Variants in THTPA observed in about 807,000 individuals in gnomAD.
The protein encoded by THTPA is thiamine triphosphatase.
THTPA carries 16 observed loss-of-function variants against 16.5 expected under a neutral mutation model. That is an observed-to-expected ratio of 0.97 (90% confidence interval 0.66 to 1.47). THTPA has a LOEUF of 1.47. Ranked by LOEUF, THTPA falls within the 40% of genes most tolerant of loss-of-function variation. The pLI, the probability that THTPA is intolerant of heterozygous loss-of-function variation, is 0.00. For synonymous variants in THTPA, 110 were observed against 115.5 expected (o/e 0.95, Z 0.30); for missense variants, 281 against 280.9 (o/e 1.00, Z 0.00).
At chr14:23,514,876 A>G in the THTPA span, among the ~76,000 whole-genome samples, 1 of 152,096 alleles carries the variant, frequency 6.6e-6, no homozygotes, top group Admixed American at 6.5e-5. Flanking sequence ...CTCCCTGGTC[A>G]ATCTCAGCTC....
the THTPA span, chr14:23,521,911 TAAA>T: frequency 4.2e-5 from 64 of 1,531,324 alleles, no homozygotes; most frequent in Non-Finnish European, 5.2e-5. Flanking sequence ...CCCCTTGGGG[TAAA>T]AGAGGGAGCC....
the THTPA span, among the ~76,000 whole-genome samples, chr14:23,518,964 C>T: frequency 1.3e-5 from 2 of 152,188 alleles, no homozygotes; most frequent in East Asian, 1.9e-4. The surrounding 1 kb of genome is among the most constrained non-coding windows in gnomAD (Gnocchi z 4.5). Context: ...CCACTGGGAA[C>T]ATGGAATGGT....
the THTPA span, among the ~76,000 whole-genome samples, chr14:23,515,964 G>C: frequency 1.3e-5 from 2 of 152,128 alleles, no homozygotes; most frequent in African/African-American, 4.8e-5. Flanking sequence ...TTGGGGGTGG[G>C]AGTCGGGGTG....
chr14:23,537,497 C>T, the THTPA span, among the ~76,000 whole-genome samples: 1 of 152,162 alleles, frequency 6.6e-6, no homozygotes, highest in Non-Finnish European at 1.5e-5. Flanking sequence ...TCTGGCCCCA[C>T]CCAACCTGAA....
chr14:23,522,345 C>A, the THTPA span: 1 of 1,535,282 alleles, frequency 6.5e-7, no homozygotes, highest in South Asian at 1.2e-5. Context: ...TGGGTTACAT[C>A]CACGGTGGAG....
the THTPA span, among the ~76,000 whole-genome samples, chr14:23,518,311 G>A: frequency 3.9e-4 from 60 of 152,208 alleles, no homozygotes; most frequent in Admixed American, 2.2e-3. The surrounding 1 kb of genome is among the most constrained non-coding windows in gnomAD (Gnocchi z 4.5). Context: ...CCCTGAGAGT[G>A]GTTAAGAAAC....
In THTPA at chr14:23,556,488, T is replaced by G; in HGVS notation, c.-270T>G. Reference sequence around the variant, plus strand: ...CGCTACCCGGCCTGCTTTCTAGGGGTCTCTTTGGATTGAGGACATCAGCAG... The same window carrying G: ...CGCTACCCGGCCTGCTTTCTAGGGGGCTCTTTGGATTGAGGACATCAGCAG... On this transcript the variant is annotated 5_prime_UTR_variant, in exon 1 of 2. Transcript: ENST00000288014. 4.3e-6 allele frequency: 2 copies of G among 462,744 alleles called. No homozygotes were observed. The highest frequency in any genetic ancestry group is 7.7e-6 in the Non-Finnish European group (2 of 259,354). 28.7% of individuals were successfully genotyped at this position (462,744 alleles called of 1,614,324 possible).
the THTPA span, among the ~76,000 whole-genome samples, chr14:23,541,582 C>T: frequency 1.3e-5 from 2 of 152,318 alleles, no homozygotes; most frequent in African/African-American, 4.8e-5. Flanking sequence ...CCACCACACC[C>T]GGCCAGGATT....
the THTPA span, chr14:23,525,634 G>C: frequency 6.5e-7 from 1 of 1,535,870 alleles, no homozygotes; most frequent in South Asian, 1.2e-5. This position sits in a 1 kb window ranked among gnomAD's most constrained non-coding sequence, Gnocchi z 5.9. Context: ...CTGCAGTGCG[G>C]GCAGCCTCGT....
chr14:23,521,754 C>A, the THTPA span: 1 of 839,810 alleles, frequency 1.2e-6, no homozygotes, highest in East Asian at 2.8e-5. Flanking sequence ...GGAGGAGGAT[C>A]AATGTGTGTG....
rs974826791 is a variant in THTPA at position 23,556,522 on chromosome 14, G to A, written c.-236G>A. 5.3e-6 allele frequency: 3 copies of A among 561,926 alleles called. No homozygotes were observed. The highest frequency in any genetic ancestry group is 3.8e-5 in the African/African-American group (2 of 53,286). 34.8% of individuals were successfully genotyped at this position (561,926 alleles called of 1,614,324 possible). On this transcript the variant is annotated 5_prime_UTR_variant, in exon 1 of 2. Coordinates refer to ENST00000288014, the MANE Select transcript of THTPA (RefSeq NM_024328.6). ...ATTGAGGACATCAGCAGCAGTGGAA[G>A]GGATTTTACTGGAGACCTGTCACTG...
the THTPA span, chr14:23,538,147 C>G: frequency 6.6e-6 from 1 of 152,220 alleles, no homozygotes; most frequent in Non-Finnish European, 1.5e-5. Context: ...TAGCTAGAAA[C>G]CAAAGGAGCT....
chr14:23,523,793 C>G, the THTPA span: 3 of 1,536,264 alleles, frequency 2.0e-6, no homozygotes, highest in Non-Finnish European at 2.6e-6. The surrounding 1 kb of genome is among the most constrained non-coding windows in gnomAD (Gnocchi z 4.1). Flanking sequence ...AGGTCCCCCA[C>G]TGGTCCCTCC....
chr14:23,523,442 G>GA, the THTPA span: 1 of 1,535,504 alleles, frequency 6.5e-7, no homozygotes, highest in Non-Finnish European at 8.7e-7. This position sits in a 1 kb window ranked among gnomAD's most constrained non-coding sequence, Gnocchi z 4.1. Flanking sequence ...GTGCTGACGG[G>GA]AAAAGAGATG....
chr14:23,541,988 G>A, the THTPA span, among the ~76,000 whole-genome samples: 12 of 152,258 alleles, frequency 7.9e-5, no homozygotes, highest in African/African-American at 2.6e-4. Flanking sequence ...GAGAAAGAAC[G>A]AGTATGGCAG....
chr14:23,535,830 G>C, the THTPA span, among the ~76,000 whole-genome samples: 1 of 152,126 alleles, frequency 6.6e-6, no homozygotes, highest in Non-Finnish European at 1.5e-5. This position sits in a 1 kb window ranked among gnomAD's most constrained non-coding sequence, Gnocchi z 4.5. Flanking sequence ...GACCTCAAGT[G>C]ATCCGCCCAC....
chr14:23,559,922 A>G lies in THTPA; in HGVS notation c.*1082A>G, dbSNP rs1595235445. The stretch of plus-strand genomic sequence containing the variant: ...CTATCCCTGGGTCTTGTCTTGGGGG[A>G]ACTCCTGAAGCTCACCTTGTTAGGA... On this transcript the variant is annotated 3_prime_UTR_variant, in exon 2 of 2. Transcript: ENST00000288014. 6.2e-7 allele frequency: 1 copy of G among 1,611,808 alleles called. No homozygotes were observed. Among genetic ancestry groups the G allele is most frequent in the East Asian group, 2.2e-5 (1 of 44,872 alleles).
At chr14:23,514,638 C>T in the THTPA span, 11 of 152,340 alleles carry the variant, frequency 7.2e-5, no homozygotes, top group African/African-American at 1.7e-4. Context: ...CTGCTTGGCA[C>T]CCAACCAACT....
At chr14:23,547,244 T>A in the THTPA span, among the ~76,000 whole-genome samples, 13 of 152,274 alleles carry the variant, frequency 8.5e-5, no homozygotes, top group Non-Finnish European at 1.8e-4. Context: ...TTTGGCCTTT[T>A]GGCCCACATG....
Sources: gnomAD v4.1 joint callset for allele counts (sites outside exome capture counted in the v4.1 genomes callset) on GRCh38, gnomAD v4.1.1 for gene constraint, Gnocchi (gnomAD v3.1) non-coding constraint, MANE v1.5 for transcripts, NCBI Gene and HGNC (gene_info 2026-07-23, HGNC 2026-07-21) for gene names.